The following ELF1 variants were observed in gnomAD, a reference collection of about 807,000 sequenced individuals.
The protein encoded by ELF1 is ETS-related transcription factor Elf-1.
ELF1 carries 24 observed loss-of-function variants against 59.9 expected under a neutral mutation model. The ratio of observed to expected loss-of-function variants is 0.40; its 90% CI spans 0.29 to 0.56. ELF1 has a LOEUF of 0.56. Ranked by LOEUF, ELF1 falls within the 20% of genes least tolerant of loss-of-function variation. The pLI is 0.44. For missense variants in ELF1, 627 were observed against 742.2 expected, an observed-to-expected ratio of 0.84 and a Z score of 1.80; for synonymous variants, 248 against 266.2, an observed-to-expected ratio of 0.93 and a Z score of 0.67.
intron 1 of ELF1, among the ~76,000 whole-genome samples, chr13:41,058,662 T>C (rs1328616285): frequency 1.3e-5 from 2 of 152,228 alleles, no homozygotes; most frequent in Admixed American, 1.3e-4. Flanking sequence ...GGTACAATGT[T>C]GTAAACTCAT....
At chr13:40,977,643 C>G (rs1044294820) in intron 2 of ELF1, among the ~76,000 whole-genome samples, 1 of 152,088 alleles carries the variant, frequency 6.6e-6, no homozygotes, top group African/African-American at 2.4e-5. Flanking sequence ...ACAGCCAAAA[C>G]AGAATACATT....
intron 1 of ELF1, among the ~76,000 whole-genome samples, chr13:41,017,986 A>T (rs771635739): frequency 2.6e-5 from 4 of 152,196 alleles, no homozygotes; most frequent in Non-Finnish European, 4.4e-5. Flanking sequence ...AGATCTGTTA[A>T]TATCAACAAT....
rs189835640 is a variant in ELF1, at chr13:41,026,696, T to C, written c.-229+34142A>G. On this transcript the variant is annotated intron_variant, in intron 1 of 1. Transcript: ENST00000405737. ...TTCACCACGGGCCACCAAGTTATCA[T>C]GCAATCTACTTGGAAGTGGGTGTTA... 3.7e-3 allele frequency among the ~76,000 whole-genome samples: 564 copies of C among 152,322 alleles called. 8 individuals carry two copies. The highest frequency in any genetic ancestry group is 0.012 in the African/African-American group (479 of 41,568).
chr13:40,999,063 T>C (rs1457660811), intron 1 of ELF1, among the ~76,000 whole-genome samples: 2 of 152,204 alleles, frequency 1.3e-5, no homozygotes, highest in African/African-American at 4.8e-5. Flanking sequence ...ATCCCAAATA[T>C]CTAATTTTAG....
At chr13:40,943,666 T>A (rs972786679) in intron 6 of ELF1, among the ~76,000 whole-genome samples, 176 bp downstream of exon 6, 2 of 152,186 alleles carry the variant, frequency 1.3e-5, no homozygotes, top group Non-Finnish European at 2.9e-5. Context: ...TCAAACGAGT[T>A]TCTTGGTCTA....
intron 1 of ELF1, among the ~76,000 whole-genome samples, chr13:41,033,902 T>C (rs1178082707): frequency 6.6e-6 from 1 of 152,104 alleles, no homozygotes; most frequent in African/African-American, 2.4e-5. Context: ...GATACAGATT[T>C]TGGGGAGGGT....
rs762801132 is a variant in ELF1 at position 40,950,011 on chromosome 13, G to A, written c.362-38C>T. 4.7e-6 allele frequency: 7 copies of A among 1,487,148 alleles called. No homozygotes were observed. The Admixed American group carries it at 1.5e-4, about 33-fold the overall frequency. The allele number at this position is 1,487,148 out of a possible 1,614,324, so 92.1% of individuals were successfully genotyped here. A position where few individuals can be genotyped will look rare whatever the true frequency, so the allele number is the denominator to read the frequency against. ...AAATCAACTAATTATAGTCCACTGT[G>A]TATTATAAGTTAAAAAACGATTGAG... On this transcript the variant is annotated intron_variant, in intron 4 of 8. Transcript: ENST00000239882.
At chr13:40,953,347 C>A (rs529915525) in intron 3 of ELF1, among the ~76,000 whole-genome samples, 1 of 152,252 alleles carries the variant, frequency 6.6e-6, no homozygotes, top group South Asian at 2.1e-4. Context: ...GACATGCTAA[C>A]CCCCAGTACC....
At chr13:40,951,656 A>T (rs1870858688) in intron 3 of ELF1, 2 of 318,854 alleles carry the variant, frequency 6.3e-6, no homozygotes, top group Admixed American at 9.2e-5. Context: ...AGATTGCTTG[A>T]GGTCAGGAGT....
chr13:40,954,977 G>A (rs1161635763), intron 3 of ELF1, among the ~76,000 whole-genome samples: 5 of 145,162 alleles, frequency 3.4e-5, no homozygotes, highest in South Asian at 2.3e-4. Context: ...GTCTCTGCCC[G>A]GCCGCCATCC....
chr13:40,945,381 G>C (rs187068684), intron 5 of ELF1, among the ~76,000 whole-genome samples: 10 of 152,108 alleles, frequency 6.6e-5, no homozygotes, highest in Admixed American at 6.5e-4. Context: ...TTTCTTCTCA[G>C]CCCTTTGAAG....
rs1873316184 is a variant in ELF1 at position 40,982,229 on chromosome 13, C to A, written c.-175G>T. On this transcript the variant is annotated 5_prime_UTR_variant, in exon 2 of 9. Transcript: ENST00000239882. ...TCAGTTTTCCTGGTTCATTGATATT[C>A]TAGTCAAATTGAGACAATTTTTCTG... 7.7e-7 allele frequency: 1 copy of A among 1,290,924 alleles called. No individual in the cohort carries two copies. The highest frequency in any genetic ancestry group is 2.6e-5 in the South Asian group (1 of 39,146). 80.0% of individuals were successfully genotyped at this position (1,290,924 alleles called of 1,614,324 possible).
chr13:41,046,137 G>A (rs1379016133), intron 1 of ELF1, among the ~76,000 whole-genome samples: 1 of 151,998 alleles, frequency 6.6e-6, no homozygotes, highest in Non-Finnish European at 1.5e-5. Flanking sequence ...CATTTGCTTA[G>A]TAGATCTTCC....
At chr13:41,009,765 G>A (rs758481958) in intron 1 of ELF1, among the ~76,000 whole-genome samples, 14 of 151,904 alleles carry the variant, frequency 9.2e-5, no homozygotes, top group Admixed American at 2.0e-4. Context: ...AAAAAACTTC[G>A]AATTAATGTT....
intron 1 of ELF1, among the ~76,000 whole-genome samples, chr13:41,007,340 C>G (rs766340496): frequency 1.3e-5 from 2 of 152,086 alleles, no homozygotes; most frequent in South Asian, 4.2e-4. Flanking sequence ...AAGAACACAA[C>G]GGGAAAATGT....
chr13:41,056,649 C>T (rs1183456205), intron 1 of ELF1, among the ~76,000 whole-genome samples: 3 of 152,274 alleles, frequency 2.0e-5, no homozygotes, highest in East Asian at 3.9e-4. Context: ...ACATACAGAA[C>T]AAGAACGATC....
chr13:41,015,515 T>C (rs1479946806), intron 1 of ELF1, among the ~76,000 whole-genome samples: 1 of 152,324 alleles, frequency 6.6e-6, no homozygotes, highest in East Asian at 1.9e-4. Flanking sequence ...TTCCTCTTCA[T>C]AGCCTTAAAC....
intron 3 of ELF1, among the ~76,000 whole-genome samples, chr13:40,955,027 C>G (rs1445388757): frequency 9.3e-5 from 14 of 150,394 alleles, no homozygotes; most frequent in African/African-American, 3.4e-4. Context: ...GGCTGCCCAT[C>G]GTCTGAGATG....
intron 1 of ELF1, among the ~76,000 whole-genome samples, chr13:41,048,239 C>T (rs1876940985): frequency 6.6e-6 from 1 of 152,234 alleles, no homozygotes; most frequent in African/African-American, 2.4e-5. Flanking sequence ...GAGGCGATGC[C>T]TCGCCCTGCT....
Sources: allele counts gnomAD v4.1 joint callset (sites outside exome capture counted in the v4.1 genomes callset), GRCh38; gene constraint gnomAD v4.1.1; transcripts MANE v1.5; gene names NCBI Gene and HGNC (gene_info 2026-07-23, HGNC 2026-07-21).